Variants in ZNF606 observed in about 807,000 individuals in gnomAD.
The protein encoded by ZNF606 is zinc finger protein 328.
A neutral mutation model predicts 74.9 loss-of-function variants in ZNF606; 37 were observed. The observed-to-expected ratio is 0.49, with a 90% confidence interval of 0.38 to 0.65. ZNF606 has a LOEUF of 0.65. Ranked by LOEUF, ZNF606 falls within the 30% of genes least tolerant of loss-of-function variation. The pLI is 0.00. For synonymous variants in ZNF606, 328 were observed against 312.4 expected, an observed-to-expected ratio of 1.05 and a Z score of -0.53; for missense variants, 852 against 952.9, an observed-to-expected ratio of 0.89 and a Z score of 1.39.
chr19:57,995,299 G>C (rs541220795), intron 4 of ZNF606, among the ~76,000 whole-genome samples: 2 of 151,942 alleles, frequency 1.3e-5, no homozygotes, highest in South Asian at 4.2e-4. Context: ...TGAAGTCACA[G>C]GAATGTTCAC....
chr19:57,995,466 T>C (rs1395821661), intron 4 of ZNF606, among the ~76,000 whole-genome samples: 1 of 151,984 alleles, frequency 6.6e-6, no homozygotes, highest in African/African-American at 2.4e-5. Flanking sequence ...TCAACATGGA[T>C]GGACCTCAAA....
chr19:57,990,816 T>A (rs767600798), intron 4 of ZNF606, among the ~76,000 whole-genome samples: 2 of 152,204 alleles, frequency 1.3e-5, no homozygotes, highest in Non-Finnish European at 1.5e-5. Flanking sequence ...TACCTTCACA[T>A]GATGGGCTTA....
At chr19:57,985,771 CA>C (rs535640285) in intron 6 of ZNF606, among the ~76,000 whole-genome samples, 215 of 139,644 alleles carry the variant, frequency 1.5e-3, no homozygotes, top group African/African-American at 1.9e-3. Context: ...ACTAAAAATA[CA>C]AAAAAAAAAA....
In ZNF606 at chr19:57,978,277, A is replaced by G; in HGVS notation, c.*24T>C. ...TTCCTCAATGTGTTGTCAAATGTAC[A>G]AGAAACGAAAAACTCGCATAAATTC... On this transcript the variant is annotated 3_prime_UTR_variant, in exon 7 of 7. Coordinates refer to ENST00000551380, the MANE Select transcript of ZNF606 (RefSeq NM_001348022.3). The surrounding 1 kb of genome is among the most constrained non-coding windows in gnomAD (Gnocchi z 4.4). 1 of 1,533,660 alleles carries G rather than the reference A, an allele frequency of 6.5e-7. No individual in the cohort carries two copies. The highest frequency in any genetic ancestry group is 8.8e-7 in the Non-Finnish European group (1 of 1,141,642).
At chr19:57,996,251 C>A (rs1246630814) in intron 4 of ZNF606, among the ~76,000 whole-genome samples, 1 of 152,164 alleles carries the variant, frequency 6.6e-6, no homozygotes, top group African/African-American at 2.4e-5. Flanking sequence ...CCTGTAATCC[C>A]AGCATTTTGA....
chr19:57,981,369 G>C, intron 6 of ZNF606, among the ~76,000 whole-genome samples: 1 of 151,938 alleles, frequency 6.6e-6, no homozygotes, highest in Non-Finnish European at 1.5e-5. Flanking sequence ...AGTCCTATAA[G>C]TACTCATAGT....
rs980069610 is a variant in ZNF606, at chr19:57,979,866, G to C, written c.814C>G (p.Gln272Glu). 15 of 1,613,650 alleles carry C rather than the reference G, an allele frequency of 9.3e-6. No homozygotes were observed. Among genetic ancestry groups the C allele is most frequent in the Middle Eastern group, 1.6e-4 (1 of 6,084 alleles). The change falls in exon 7 of 7, where the codon CAG becomes GAG. Residue 272 changes from glutamine (Q) to glutamate (E), a missense_variant. This residue lies in a region of ZNF606 where 545 missense variants were observed against 542.5 expected (regional missense o/e 1.00). Coordinates refer to ENST00000551380, the MANE Select transcript of ZNF606 (RefSeq NM_001348022.3). ...GCAGGGTAAATAGGTTGAATGGACT[G>C]ATAAACAGTTTTGTCATAATCATTA... is the stretch of plus-strand genomic sequence containing the variant. ...ENNDYDKTVYQSIQPIYPARI... is the reference protein window; with the variant it reads ...ENNDYDKTVYESIQPIYPARI...
intron 4 of ZNF606, among the ~76,000 whole-genome samples, chr19:57,997,006 A>C (rs746641275): frequency 6.6e-6 from 1 of 152,222 alleles, no homozygotes; most frequent in Non-Finnish European, 1.5e-5. Flanking sequence ...GTTTGCTGAC[A>C]GATCTTGCCC....
In ZNF606 at chr19:58,001,328, C is replaced by G; in HGVS notation, c.-9G>C. On this transcript the variant is annotated 5_prime_UTR_variant, in exon 2 of 7. Coordinates refer to ENST00000551380, the MANE Select transcript of ZNF606 (RefSeq NM_001348022.3). Reference sequence around the variant, plus strand: ...GGGTTGATGGCTGCCATCCCGAGGACTGATTGACCAGGCACCTGCCCAGGA... The same window carrying G: ...GGGTTGATGGCTGCCATCCCGAGGAGTGATTGACCAGGCACCTGCCCAGGA... 2.5e-6 allele frequency: 4 copies of G among 1,614,126 alleles called. No homozygotes were observed. The highest frequency in any genetic ancestry group is 3.4e-6 in the Non-Finnish European group (4 of 1,180,018).
intron 4 of ZNF606, among the ~76,000 whole-genome samples, chr19:57,993,995 T>C (rs1415977209): frequency 6.6e-6 from 1 of 151,942 alleles, no homozygotes. Context: ...GAGAAACACC[T>C]GATGCACAGA....
rs770475693 is a variant in ZNF606, at chr19:57,978,739, A to C, written c.1941T>G (p.Thr647=). 67 of 1,614,224 alleles carry C rather than the reference A, an allele frequency of 4.2e-5. No individual in the cohort carries two copies. Among genetic ancestry groups the C allele is most frequent in the Non-Finnish European group, 5.4e-5 (64 of 1,180,036 alleles). Residue 647 remains threonine (T), a synonymous_variant, in exon 7 of 7, where the codon ACT becomes ACG. Transcript: ENST00000551380. The surrounding 1 kb of genome is among the most constrained non-coding windows in gnomAD (Gnocchi z 4.4). ...AHLVRHQRTH[T]GEKPYECNKC... is the part of the protein sequence containing the mutation. ...TATTGCATTCATAGGGTTTTTCTCC[A>C]GTATGAGTCCTTTGATGTCTAACAA...
chr19:58,000,586 C>T lies in ZNF606; in HGVS notation c.88+97G>A, dbSNP rs769658610. 3.7e-6 allele frequency: 5 copies of T among 1,338,302 alleles called. No individual in the cohort carries two copies. The African/African-American group carries it at 7.2e-5, about 19-fold the overall frequency. The allele number at this position is 1,338,302 out of a possible 1,614,324, so 82.9% of individuals were successfully genotyped here. A position where few individuals can be genotyped will look rare whatever the true frequency, so the allele number is the denominator to read the frequency against. ...CAGATCTGGACCACCTGCCCTAAAGCCCCACCTGGTCCCCATTCTATTCCC... is the reference window on the plus strand; with the variant it reads ...CAGATCTGGACCACCTGCCCTAAAGTCCCACCTGGTCCCCATTCTATTCCC... On this transcript the variant is annotated intron_variant, in intron 3 of 6. Coordinates refer to ENST00000551380, the MANE Select transcript of ZNF606 (RefSeq NM_001348022.3).
chr19:57,988,637 G>T lies in ZNF606; in HGVS notation c.262C>A (p.Arg88Ser), dbSNP rs148627673. The change falls in exon 5 of 7, where the codon CGT (arginine) becomes AGT (serine). Residue 88 changes from arginine to serine, a missense_variant. Around this residue, in one of 3 missense-constraint regions of ZNF606, gnomAD observed 545 missense variants for 542.5 expected, o/e 1.00. Coordinates refer to ENST00000551380, the MANE Select transcript of ZNF606 (RefSeq NM_001348022.3). ...CCATAGGTCTCCAGCATCACATCACGGTACAGGGTCCTCTGAACAAGGTCC... is the reference window on the plus strand; with the variant it reads ...CCATAGGTCTCCAGCATCACATCACTGTACAGGGTCCTCTGAACAAGGTCC... ...QLDLVQRTLY[R>S]DVMLETYGHL... The T allele has an allele frequency of 6.2e-7, 1 of 1,614,074 alleles. No individual in the cohort carries two copies. The highest frequency in any genetic ancestry group is 2.2e-5 in the East Asian group (1 of 44,868).
rs2073023363 is a variant in ZNF606 at position 57,978,462 on chromosome 19, G to T, written c.2218C>A (p.His740Asn). The T allele has an allele frequency of 6.2e-7, 1 of 1,613,884 alleles. No individual in the cohort carries two copies. The highest frequency in any genetic ancestry group is 8.5e-7 in the Non-Finnish European group (1 of 1,179,838). ...HTGEKPYKCN[H>N]CEKAFCKNSS... ...TTCTTACAAAATGCTTTTTCACAAT[G>T]ATTACATTTGTAGGGCTTTTCTCCA... The change falls in exon 7 of 7, where the codon CAT (histidine) becomes AAT (asparagine). Residue 740 changes from histidine to asparagine, a missense_variant. Physicochemically the swap from His to Asn is moderately conservative, Grantham distance 68. Coordinates refer to ENST00000551380, the MANE Select transcript of ZNF606 (RefSeq NM_001348022.3). This position sits in a 1 kb window ranked among gnomAD's most constrained non-coding sequence, Gnocchi z 4.4.
intron 4 of ZNF606, among the ~76,000 whole-genome samples, chr19:57,995,840 T>C (rs1388932916): frequency 6.6e-6 from 1 of 152,110 alleles, no homozygotes; most frequent in Non-Finnish European, 1.5e-5. Flanking sequence ...AGACTGTCTA[T>C]GTCTATATAG....
intron 3 of ZNF606, chr19:58,000,437 G>A (rs1345822096): frequency 8.3e-6 from 5 of 602,716 alleles, no homozygotes; most frequent in African/African-American, 7.4e-5. Flanking sequence ...GTGTTAGCCA[G>A]GATGGTCTCG....
intron 6 of ZNF606, among the ~76,000 whole-genome samples, chr19:57,986,239 C>A (rs2073161881): frequency 6.6e-6 from 1 of 152,122 alleles, no homozygotes; most frequent in Non-Finnish European, 1.5e-5. Flanking sequence ...GTAATCCCAG[C>A]ACTTTGAGAG....
chr19:57,978,824 G>A lies in ZNF606; in HGVS notation c.1856C>T (p.Ser619Phe). 1 of 1,614,146 alleles carries A rather than the reference G, an allele frequency of 6.2e-7. No homozygotes were observed. Residue 619 changes from serine to phenylalanine, a missense_variant, in exon 7 of 7, where the codon TCT (serine) becomes TTT (phenylalanine). Coordinates refer to ENST00000551380, the MANE Select transcript of ZNF606 (RefSeq NM_001348022.3). The surrounding 1 kb of genome is among the most constrained non-coding windows in gnomAD (Gnocchi z 4.4). ...ATTACATTCATAGGGCTTAATTCCA[G>A]AATGAATTATCTCATGTTTAGTGAG... is the stretch of plus-strand genomic sequence containing the variant. ...SALTKHEIIHSGIKPYECNKC... is the reference protein window; with the variant it reads ...SALTKHEIIHFGIKPYECNKC...
intron 6 of ZNF606, among the ~76,000 whole-genome samples, chr19:57,985,688 G>A (rs1188495790): frequency 1.3e-5 from 2 of 151,610 alleles, no homozygotes; most frequent in Admixed American, 6.6e-5. Flanking sequence ...CAGCACTTTG[G>A]GAGGGCGAGG....
Sources: gnomAD v4.1 joint callset for allele counts (sites outside exome capture counted in the v4.1 genomes callset) on GRCh38, gnomAD v4.1.1 for gene constraint, gnomAD v4.1.1 regional missense constraint, Gnocchi (gnomAD v3.1) non-coding constraint, MANE v1.5 for transcripts, NCBI Gene and HGNC (gene_info 2026-07-23, HGNC 2026-07-21) for gene names.